FER1L6: variants seen among roughly 807,000 people sequenced by gnomAD.
FER1L6 encodes the protein fer-1-like protein 6.
Under a neutral mutation model 219.2 loss-of-function variants are expected in FER1L6, and 177 were observed. That is an observed-to-expected ratio of 0.81 (90% CI 0.71 to 0.91). FER1L6 has a LOEUF of 0.91. Among genes scored for constraint, FER1L6 ranks in the 40% least tolerant of loss-of-function variants. FER1L6 has a pLI of 0.00. For missense variants in FER1L6, 2,153 were observed against 2,259.9 expected (o/e 0.95, Z 0.96); for synonymous variants, 768 against 824.3 (o/e 0.93, Z 1.17).
At position 124,106,328 on chromosome 8, in the gene FER1L6, CAAAAAAAAAAAAAA is replaced by C. The variant is rs71289636; in HGVS notation, c.5289+3039_5289+3052del. 6.3e-5 allele frequency among the ~76,000 whole-genome samples: 4 copies of C among 63,848 alleles called. 1 individual carries two copies. Among genetic ancestry groups the C allele is most frequent in the South Asian group, 1.0e-3 (1 of 978 alleles). 41.9% of individuals were successfully genotyped at this position (63,848 alleles called of 152,430 possible). ...TGGGCGACAGAGTGAGACTCTGTCTCAAAAAAAAAAAAAAAAAAAAAAAAAAAAAAAAACAGAGT... is the reference window on the plus strand; with the variant it reads ...TGGGCGACAGAGTGAGACTCTGTCTCAAAAAAAAAAAAAAAAAAACAGAGT... On this transcript the variant is annotated intron_variant, in intron 39 of 40. Transcript: ENST00000522917.
At chr8:124,053,359 A>G (rs1820137505) in intron 22 of FER1L6, among the ~76,000 whole-genome samples, 1 of 152,218 alleles carries the variant, frequency 6.6e-6, no homozygotes, top group Admixed American at 6.5e-5. Context: ...CCGACTTAAT[A>G]AAGTAAGCAC....
At chr8:124,094,826 G>A in intron 34 of FER1L6, 70 bp from the exon 35 acceptor site, 2 of 1,520,090 alleles carry the variant, frequency 1.3e-6, no homozygotes, top group Admixed American at 1.7e-5. Flanking sequence ...GTTTAAAAAT[G>A]CATGTGGCAG....
chr8:123,949,845 A>G (rs756612032), intron 1 of FER1L6, among the ~76,000 whole-genome samples: 3 of 152,208 alleles, frequency 2.0e-5, no homozygotes, highest in Non-Finnish European at 2.9e-5. Flanking sequence ...TAATTCCACC[A>G]AAAGATAATC....
chr8:124,082,691 T>TC (rs1821612544), intron 33 of FER1L6, among the ~76,000 whole-genome samples: 1 of 152,148 alleles, frequency 6.6e-6, no homozygotes, highest in Non-Finnish European at 1.5e-5. Flanking sequence ...GGCAGGTTCT[T>TC]CAAGAGTCAA....
chr8:123,940,877 A>G (rs1465569266), intron 1 of FER1L6, among the ~76,000 whole-genome samples: 1 of 152,184 alleles, frequency 6.6e-6, no homozygotes, highest in Non-Finnish European at 1.5e-5. Context: ...TTTAAGGAAC[A>G]AGCACAGGGA....
chr8:123,864,396 C>A (rs10138321), intron 1 of FER1L6, among the ~76,000 whole-genome samples: 1 of 149,580 alleles, frequency 6.7e-6, no homozygotes, highest in East Asian at 2.0e-4. Flanking sequence ...ACCTTTCTCT[C>A]TGGCTGCCCT....
At chr8:123,993,650 G>T (rs1014287601) in intron 12 of FER1L6, among the ~76,000 whole-genome samples, 6 of 152,050 alleles carry the variant, frequency 3.9e-5, no homozygotes, top group African/African-American at 1.2e-4. Flanking sequence ...GTCCCACAGG[G>T]TGCTCCCTTA....
At chr8:123,891,133 T>A (rs1198578653) in intron 1 of FER1L6, among the ~76,000 whole-genome samples, 1 of 152,222 alleles carries the variant, frequency 6.6e-6, no homozygotes, top group Non-Finnish European at 1.5e-5. Context: ...CGAACTTTGA[T>A]CCCAAACCAT....
intron 35 of FER1L6, 78 bp downstream of exon 35, chr8:124,095,116 T>C: frequency 1.3e-6 from 2 of 1,566,688 alleles, no homozygotes; most frequent in South Asian, 2.3e-5. Context: ...AGGAACAATT[T>C]TGACCTTCCC....
intron 12 of FER1L6, among the ~76,000 whole-genome samples, chr8:123,991,051 T>C (rs2130415049): frequency 6.6e-6 from 1 of 152,356 alleles, no homozygotes; most frequent in South Asian, 2.1e-4. Context: ...GGTTCTCTGT[T>C]CTGTTCTATT....
intron 14 of FER1L6, among the ~76,000 whole-genome samples, chr8:124,013,024 A>G (rs1042337311): frequency 4.5e-5 from 6 of 133,652 alleles, no homozygotes; most frequent in African/African-American, 1.6e-4. Flanking sequence ...ATTCAATATG[A>G]TTATATCCCT....
intron 30 of FER1L6, 133 bp downstream of exon 30, chr8:124,070,731 C>T: frequency 1.3e-6 from 1 of 754,978 alleles, no homozygotes; most frequent in Non-Finnish European, 2.0e-6. Flanking sequence ...AAGTCCCTCT[C>T]TAGAACTCCA....
chr8:123,881,580 A>G (rs1188684203), intron 1 of FER1L6, among the ~76,000 whole-genome samples: 1 of 152,132 alleles, frequency 6.6e-6, no homozygotes, highest in African/African-American at 2.4e-5. Context: ...TGAGTTTTTA[A>G]AAAGCAAACT....
intron 1 of FER1L6, among the ~76,000 whole-genome samples, chr8:123,941,783 G>C (rs1814252137): frequency 6.6e-6 from 1 of 152,164 alleles, no homozygotes; most frequent in Non-Finnish European, 1.5e-5. Flanking sequence ...ATGAGATCTT[G>C]TTTTTGTGAA....
intron 39 of FER1L6, among the ~76,000 whole-genome samples, chr8:124,118,359 C>T (rs1419782674): frequency 6.6e-6 from 1 of 152,106 alleles, no homozygotes; most frequent in African/African-American, 2.4e-5. Context: ...AAAAGGATAA[C>T]CCTACAATAA....
chr8:123,921,911 G>A (rs2129842244), intron 1 of FER1L6, among the ~76,000 whole-genome samples: 1 of 152,312 alleles, frequency 6.6e-6, no homozygotes, highest in South Asian at 2.1e-4. Context: ...TCTACTGTGA[G>A]ACCTTGGGCA....
intron 32 of FER1L6, among the ~76,000 whole-genome samples, chr8:124,078,689 C>T (rs967453747): frequency 1.8e-4 from 7 of 39,538 alleles, no homozygotes; most frequent in Admixed American, 1.2e-3. Context: ...CCTGTGAAGA[C>T]CCTGGGAAGG....
At chr8:124,039,432 C>T (rs2130725158) in intron 19 of FER1L6, among the ~76,000 whole-genome samples, 1 of 152,308 alleles carries the variant, frequency 6.6e-6, no homozygotes, top group Middle Eastern at 3.4e-3. Flanking sequence ...CACATGCACA[C>T]ACTCATGCCT....
intron 20 of FER1L6, chr8:124,040,651 T>C (rs1431889249): frequency 1.3e-5 from 2 of 153,438 alleles, no homozygotes; most frequent in African/African-American, 4.8e-5. Context: ...AGGTCCAAAG[T>C]TGAGGAGCCG....
Sources: allele counts gnomAD v4.1 joint callset (sites outside exome capture counted in the v4.1 genomes callset), GRCh38; gene constraint gnomAD v4.1.1; transcripts MANE v1.5; gene names NCBI Gene and HGNC (gene_info 2026-07-23, HGNC 2026-07-21).